Variants in CCDC18 observed in about 807,000 individuals in gnomAD.
CCDC18 encodes coiled-coil domain-containing protein 18.
A neutral mutation model predicts 196.0 loss-of-function variants in CCDC18; 157 were observed. The ratio of observed to expected loss-of-function variants is 0.80; its 90% confidence interval spans 0.70 to 0.91. CCDC18 has a LOEUF of 0.91. CCDC18 is among the 40% of genes least tolerant of loss of function. The pLI is 0.00. For synonymous variants in CCDC18, 482 were observed against 529.2 expected (o/e 0.91, Z 1.22); for missense variants, 1,465 against 1,611.6 (o/e 0.91, Z 1.56).
At chr1:93,212,906 G>C (rs193200932) in intron 11 of CCDC18, among the ~76,000 whole-genome samples, 8 of 152,262 alleles carry the variant, frequency 5.3e-5, no homozygotes, top group Non-Finnish European at 4.4e-5. Context: ...TGTAGAATCA[G>C]TGGTAGCCCT....
chr1:93,257,257 A>C (rs1204553011), intron 25 of CCDC18, among the ~76,000 whole-genome samples: 1 of 150,856 alleles, frequency 6.6e-6, no homozygotes, highest in Admixed American at 6.6e-5. Context: ...AAAAAAAAAA[A>C]AACATGAAAA....
Position 93,196,756 on chromosome 1 carries a change from A to G in CCDC18, c.698+3012A>G, listed in dbSNP as rs143079788. Among the ~76,000 whole-genome samples the G allele has an allele frequency of 3.9e-3, 601 of 152,348 alleles. 4 individuals carry two copies. The highest frequency in any genetic ancestry group is 4.9e-3 in the Non-Finnish European group (332 of 68,018). On this transcript the variant is annotated intron_variant, in intron 6 of 28. Coordinates refer to ENST00000690025, the MANE Select transcript of CCDC18 (RefSeq NM_001378204.1). The stretch of plus-strand genomic sequence containing the variant: ...ACAGTTTGAAATTGACATTCTTTCA[A>G]GCAGATGTAATCTGTTACCTCACTA...
Position 93,186,469 on chromosome 1 carries a change from C to A in CCDC18, c.428C>A (p.Ser143Tyr), listed in dbSNP as rs776122584. Residue 143 changes from serine (S) to tyrosine (Y), a missense_variant, in exon 4 of 29, where the codon TCT becomes TAT. By Grantham distance (144) the Ser-to-Tyr change is moderately radical. Coordinates refer to ENST00000690025, the MANE Select transcript of CCDC18 (RefSeq NM_001378204.1). ...QNHSLMTKFE[S>Y]IHFELTQSRA... is the part of the protein sequence containing the mutation. ...CATTCCTTAATGACTAAATTTGAATCTATTCACTTTGAATTAACACAGTCA... is the reference window on the plus strand; with the variant it reads ...CATTCCTTAATGACTAAATTTGAATATATTCACTTTGAATTAACACAGTCA... 1.2e-6 allele frequency: 2 copies of A among 1,610,444 alleles called. No homozygotes were observed. The highest frequency in any genetic ancestry group is 1.7e-6 in the Non-Finnish European group (2 of 1,178,084).
At chr1:93,235,337 T>C (rs1007783423) in intron 18 of CCDC18, among the ~76,000 whole-genome samples, 4 of 152,318 alleles carry the variant, frequency 2.6e-5, no homozygotes, top group Admixed American at 1.3e-4. Flanking sequence ...ATGTGATACA[T>C]GGAAGCCAAA....
At chr1:93,194,181 G>C (rs1224613721) in intron 6 of CCDC18, among the ~76,000 whole-genome samples, 1 of 151,986 alleles carries the variant, frequency 6.6e-6, no homozygotes, top group Non-Finnish European at 1.5e-5. Context: ...ATGTGTGCTT[G>C]GATCTTCCTT....
At chr1:93,207,559 C>T (rs1474930109) in intron 9 of CCDC18, among the ~76,000 whole-genome samples, 161 bp downstream of exon 9, 2 of 152,004 alleles carry the variant, frequency 1.3e-5, no homozygotes, top group African/African-American at 4.8e-5. Context: ...TTTTCCTGCA[C>T]TTACCATTCT....
chr1:93,218,664 C>T (rs1028284511), intron 14 of CCDC18, among the ~76,000 whole-genome samples: 1 of 152,090 alleles, frequency 6.6e-6, no homozygotes, highest in African/African-American at 2.4e-5. Flanking sequence ...TGCGCGCCAC[C>T]AAGCCTGGCT....
At chr1:93,236,974 A>C (rs964799076) in intron 19 of CCDC18, among the ~76,000 whole-genome samples, 2 of 152,178 alleles carry the variant, frequency 1.3e-5, no homozygotes, top group African/African-American at 4.8e-5. Flanking sequence ...CATGAGCTGA[A>C]AGCAGTACCC....
At chr1:93,278,369 TTTAAA>T in intron 28 of CCDC18, 89 bp from the exon 29 acceptor site, 1 of 474,808 alleles carries the variant, frequency 2.1e-6, no homozygotes, top group Non-Finnish European at 3.7e-6. Flanking sequence ...TCACTCTCGC[TTTAAA>T]TTATACTCCT....
At chr1:93,225,014 CTG>C (rs1186495110) in intron 16 of CCDC18, among the ~76,000 whole-genome samples, 2 of 152,188 alleles carry the variant, frequency 1.3e-5, no homozygotes, top group East Asian at 1.9e-4. Flanking sequence ...TGTTCAAAAA[CTG>C]TGTATCTTAT....
At chr1:93,248,360 G>A (rs687394) in intron 23 of CCDC18, among the ~76,000 whole-genome samples, 71,902 of 151,916 alleles carry the variant, frequency 0.47, 20,192 homozygotes, top group African/African-American at 0.79. Context: ...TTTATAATGT[G>A]AAGATGTTGA....
chr1:93,275,836 T>A (rs1405438393), intron 28 of CCDC18, among the ~76,000 whole-genome samples: 1 of 152,252 alleles, frequency 6.6e-6, no homozygotes, highest in African/African-American at 2.4e-5. Flanking sequence ...TGTCTTTATC[T>A]GCCAGTTCAA....
intron 17 of CCDC18, among the ~76,000 whole-genome samples, chr1:93,232,011 G>A (rs1473362652): frequency 2.0e-5 from 3 of 152,122 alleles, no homozygotes; most frequent in Non-Finnish European, 2.9e-5. Context: ...AGTAAAATGT[G>A]GCAATATCTG....
At chr1:93,247,027 C>CAAA (rs1369488073) in intron 23 of CCDC18, 73 bp downstream of exon 23, 7 of 656,844 alleles carry the variant, frequency 1.1e-5, no homozygotes, top group Non-Finnish European at 1.6e-5. Context: ...AACACCCCTT[C>CAAA]AAATAGTGGG....
At chr1:93,185,026 T>C (rs993093954) in intron 3 of CCDC18, among the ~76,000 whole-genome samples, 1 of 151,692 alleles carries the variant, frequency 6.6e-6, no homozygotes, top group Non-Finnish European at 1.5e-5. Context: ...TGTGTAAAGA[T>C]CTCCTAGAAA....
chr1:93,239,931 TA>T (rs1557676200), intron 21 of CCDC18, 35 bp downstream of exon 21: 2 of 1,324,250 alleles, frequency 1.5e-6, no homozygotes, highest in Non-Finnish European at 2.2e-6. Flanking sequence ...ATCACAGTTA[TA>T]AGTCCTTGGA....
chr1:93,220,184 C>T (rs888267490), intron 14 of CCDC18, among the ~76,000 whole-genome samples: 5 of 152,122 alleles, frequency 3.3e-5, no homozygotes, highest in African/African-American at 4.8e-5. Context: ...GTTAAAATTA[C>T]TGCAGATTTC....
chr1:93,235,942 C>G (rs572360183), intron 18 of CCDC18, among the ~76,000 whole-genome samples: 3 of 151,978 alleles, frequency 2.0e-5, no homozygotes, highest in South Asian at 2.1e-4. Flanking sequence ...AAGAAAGGAG[C>G]AGTATGGTAA....
intron 6 of CCDC18, among the ~76,000 whole-genome samples, chr1:93,195,878 C>T (rs1652640787): frequency 1.3e-5 from 2 of 152,172 alleles, no homozygotes; most frequent in Admixed American, 6.5e-5. Context: ...GACTAAGACA[C>T]ATTCTGAGAT....
Sources: gnomAD v4.1 joint callset for allele counts (sites outside exome capture counted in the v4.1 genomes callset) on GRCh38, gnomAD v4.1.1 for gene constraint, MANE v1.5 for transcripts, NCBI Gene and HGNC (gene_info 2026-07-23, HGNC 2026-07-21) for gene names.